Variants in PTPRG observed in about 807,000 individuals in gnomAD.
PTPRG encodes the protein protein tyrosine phosphatase receptor type G, also known as receptor-type tyrosine-protein phosphatase gamma.
PTPRG carries 102 observed loss-of-function variants against 165.3 expected under a neutral mutation model. The observed-to-expected ratio is 0.62, with a 90% confidence interval of 0.53 to 0.73. The LOEUF (loss-of-function observed/expected upper bound fraction) is 0.73. PTPRG is among the 30% of genes least tolerant of loss of function. The probability of loss-of-function intolerance (pLI) is 0.00; values close to 1 mark genes in which losing one functional copy is unlikely to be tolerated. For missense variants in PTPRG, 1,866 were observed against 1,861.4 expected (o/e 1.00, Z -0.05); for synonymous variants, 675 against 669.5 (o/e 1.01, Z -0.13).
intron 2 of PTPRG, among the ~76,000 whole-genome samples, chr3:61,817,841 G>A (rs1201463572): frequency 6.6e-6 from 1 of 152,166 alleles, no homozygotes; most frequent in Non-Finnish European, 1.5e-5. Flanking sequence ...TGATTTTGGG[G>A]CTCTATCATT....
chr3:62,288,493 C>T (rs1236589081), intron 28 of PTPRG, among the ~76,000 whole-genome samples: 3 of 151,716 alleles, frequency 2.0e-5, no homozygotes, highest in Non-Finnish European at 2.9e-5. Context: ...GCCAACATGG[C>T]GAAACCCCGT....
intron 2 of PTPRG, among the ~76,000 whole-genome samples, chr3:61,833,719 C>G (rs1263443680): frequency 6.6e-6 from 1 of 152,074 alleles, no homozygotes; most frequent in Non-Finnish European, 1.5e-5. Flanking sequence ...CCCGCCACCA[C>G]GCCTGGCTAC....
At chr3:61,598,448 G>C (rs1407252862) in intron 1 of PTPRG, among the ~76,000 whole-genome samples, 1 of 152,136 alleles carries the variant, frequency 6.6e-6, no homozygotes, top group Non-Finnish European at 1.5e-5. Context: ...TGAGCGTCCT[G>C]TGCTGTCCCC....
intron 1 of PTPRG, among the ~76,000 whole-genome samples, chr3:61,711,090 C>T (rs79984173): frequency 0.12 from 17,751 of 152,084 alleles, 1,334 homozygotes; most frequent in East Asian, 0.17. Flanking sequence ...GTCCCTGCAA[C>T]GGACATAAAC....
intron 6 of PTPRG, among the ~76,000 whole-genome samples, chr3:62,148,179 G>A (rs980036206): frequency 6.6e-6 from 1 of 152,082 alleles, no homozygotes; most frequent in Admixed American, 6.6e-5. Flanking sequence ...AACATACTGA[G>A]ATGGGGGGCT....
chr3:61,855,756 T>A (rs2037088445), intron 2 of PTPRG, among the ~76,000 whole-genome samples: 1 of 151,748 alleles, frequency 6.6e-6, no homozygotes, highest in Non-Finnish European at 1.5e-5. Context: ...TTACTGGTGC[T>A]TCAGGCCTCA....
At chr3:62,186,914 G>A (rs1699669950) in intron 8 of PTPRG, among the ~76,000 whole-genome samples, 1 of 152,154 alleles carries the variant, frequency 6.6e-6, no homozygotes, top group Admixed American at 6.5e-5. Flanking sequence ...GGCCAGAGAT[G>A]CGTCCATGAA....
intron 5 of PTPRG, among the ~76,000 whole-genome samples, chr3:62,118,046 C>T (rs1702928485): frequency 1.3e-5 from 2 of 152,130 alleles, no homozygotes; most frequent in Admixed American, 1.3e-4. Context: ...TTGGTCTCTC[C>T]TCAGCCCTCT....
chr3:61,580,005 A>AC (rs1700250972), intron 1 of PTPRG, among the ~76,000 whole-genome samples: 3 of 152,324 alleles, frequency 2.0e-5, no homozygotes, highest in African/African-American at 7.2e-5. Flanking sequence ...CATGTAGCTG[A>AC]GAAATATTGA....
At chr3:61,575,787 A>G (rs1053336165) in intron 1 of PTPRG, among the ~76,000 whole-genome samples, 2 of 151,886 alleles carry the variant, frequency 1.3e-5, no homozygotes, top group African/African-American at 2.4e-5. Flanking sequence ...TTACATAGAG[A>G]TGAGGTTTCA....
rs138759266 is a variant in PTPRG, at chr3:62,028,829, C to T, written c.519+25332C>T. On this transcript the variant is annotated intron_variant, in intron 4 of 29. Coordinates refer to ENST00000474889, the MANE Select transcript of PTPRG (RefSeq NM_002841.4). Reference sequence around the variant, plus strand: ...TTTGTTTGTGTCTTGGACATTTCCTCCTTCTGCTGTAGACAGCTTCTCTTA... The same window carrying T: ...TTTGTTTGTGTCTTGGACATTTCCTTCTTCTGCTGTAGACAGCTTCTCTTA... Among the ~76,000 whole-genome samples, 740 of 152,320 alleles carry T rather than the reference C, an allele frequency of 4.9e-3. 5 individuals are homozygous for T. Among genetic ancestry groups the T allele is most frequent in the Non-Finnish European group, 7.9e-3 (537 of 68,028 alleles).
Position 62,119,600 on chromosome 3 carries a change from A to AT in PTPRG, c.616-12990dup, listed in dbSNP as rs563671462. Among the ~76,000 whole-genome samples the AT allele has an allele frequency of 4.3e-3, 627 of 147,142 alleles. 5 individuals are homozygous for AT. The highest frequency in any genetic ancestry group is 0.013 in the African/African-American group (537 of 40,396). ...TTACGCTGGCATGGGTTGTGATTAGATTTTTTTTTTTTAATTTTTTTATTT... is the reference window on the plus strand; with the variant it reads ...TTACGCTGGCATGGGTTGTGATTAGATTTTTTTTTTTTTAATTTTTTTATTT... On this transcript the variant is annotated intron_variant, in intron 5 of 29. Transcript: ENST00000474889.
Position 62,229,654 on chromosome 3 carries a change from G to C in PTPRG, c.2289-1571G>C, listed in dbSNP as rs904596595. ...TCTAGGTAACAACCATCTTTCTTTG[G>C]ATTTCTCAGAATTAACTGTCTTCTC... On this transcript the variant is annotated intron_variant, in intron 13 of 29. Transcript: ENST00000474889. The surrounding 1 kb of genome is among the most constrained non-coding windows in gnomAD (Gnocchi z 4.6). Among the ~76,000 whole-genome samples the C allele has an allele frequency of 3.3e-5, 5 of 152,122 alleles. No individual in the cohort carries two copies. Among genetic ancestry groups the C allele is most frequent in the South Asian group, 2.1e-4 (1 of 4,824 alleles).
chr3:61,957,250 T>C (rs2040053317), intron 2 of PTPRG, among the ~76,000 whole-genome samples: 5 of 152,220 alleles, frequency 3.3e-5, no homozygotes. Context: ...TAATAATTAT[T>C]TGACGAAGGT....
At chr3:61,999,398 C>A (rs542634869) in intron 3 of PTPRG, among the ~76,000 whole-genome samples, 2 of 152,150 alleles carry the variant, frequency 1.3e-5, no homozygotes, top group Admixed American at 6.5e-5. Flanking sequence ...GTTCCACCCT[C>A]ATGGCCTAAT....
intron 8 of PTPRG, among the ~76,000 whole-genome samples, chr3:62,186,920 A>G (rs1035533724): frequency 5.3e-5 from 8 of 152,206 alleles, no homozygotes; most frequent in Non-Finnish European, 1.0e-4. Context: ...AGATGCGTCC[A>G]TGAAGAGGAA....
chr3:62,043,423 G>C (rs369814707), intron 4 of PTPRG, among the ~76,000 whole-genome samples: 1 of 152,050 alleles, frequency 6.6e-6, no homozygotes, highest in African/African-American at 2.4e-5. Context: ...TTTTATTAAA[G>C]AATTTTTATA....
chr3:61,855,664 T>C (rs2037083515), intron 2 of PTPRG, among the ~76,000 whole-genome samples: 1 of 147,194 alleles, frequency 6.8e-6, no homozygotes, highest in South Asian at 2.2e-4. Flanking sequence ...TTTTTTTTTT[T>C]TTTTTTTAAA....
In PTPRG at chr3:62,006,958, A is replaced by G. The variant is rs368972482; in HGVS notation, c.519+3461A>G. Reference sequence around the variant, plus strand: ...GTAGCATCATTTAAAATACATTTGAATAAAGAGGACTTGTTTCTTGGGAAG... The same window carrying G: ...GTAGCATCATTTAAAATACATTTGAGTAAAGAGGACTTGTTTCTTGGGAAG... On this transcript the variant is annotated intron_variant, in intron 4 of 29. Coordinates refer to ENST00000474889, the MANE Select transcript of PTPRG (RefSeq NM_002841.4). Among the ~76,000 whole-genome samples, 100 of 152,310 alleles carry G rather than the reference A, an allele frequency of 6.6e-4. 2 individuals carry two copies. In the South Asian group the frequency reaches 0.02, roughly 30 times the overall value.
Sources: gnomAD v4.1 joint callset for allele counts (sites outside exome capture counted in the v4.1 genomes callset) on GRCh38, gnomAD v4.1.1 for gene constraint, Gnocchi (gnomAD v3.1) non-coding constraint, MANE v1.5 for transcripts, NCBI Gene and HGNC (gene_info 2026-07-23, HGNC 2026-07-21) for gene names.